The following GRID2 variants were observed in gnomAD, a reference collection of about 807,000 sequenced individuals.
GRID2 encodes glutamate ionotropic receptor delta type subunit 2.
GRID2 carries 33 observed loss-of-function variants against 114.8 expected under a neutral mutation model. The observed-to-expected ratio is 0.29, with a 90% CI of 0.22 to 0.38. The LOEUF is 0.38. GRID2 is among the 10% of genes least tolerant of loss of function. The pLI is 1.00. For missense variants in GRID2, 1,184 were observed against 1,257.7 expected, an observed-to-expected ratio of 0.94 and a Z score of 0.89; for synonymous variants, 505 against 449.9, an observed-to-expected ratio of 1.12 and a Z score of -1.55.
Position 93,378,439 on chromosome 4 carries a change from G to A in GRID2, c.1246-17168G>A, listed in dbSNP as rs551955580. On this transcript the variant is annotated intron_variant, in intron 8 of 15. Transcript: ENST00000282020. The stretch of plus-strand genomic sequence containing the variant: ...ATCTGTTTTTTCTAGTAAAGATTCC[G>A]TAATTGTTATTACAAGTTAATCAGC... 3.9e-4 allele frequency among the ~76,000 whole-genome samples: 59 copies of A among 152,052 alleles called. No individual in the cohort carries two copies. The South Asian group carries it at 4.6e-3, about 12-fold the overall frequency.
intron 1 of GRID2, among the ~76,000 whole-genome samples, chr4:92,546,771 T>C (rs1363189783): frequency 6.6e-6 from 1 of 152,204 alleles, no homozygotes; most frequent in East Asian, 1.9e-4. Flanking sequence ...TATTATGATA[T>C]ATACTGCCTA....
intron 14 of GRID2, among the ~76,000 whole-genome samples, chr4:93,681,612 C>T (rs1725546939): frequency 6.6e-6 from 1 of 152,156 alleles, no homozygotes; most frequent in Non-Finnish European, 1.5e-5. Context: ...ACAGAGCCCT[C>T]ATAAGTAATA....
chr4:92,753,133 ATTAG>A (rs1020243803), intron 2 of GRID2, among the ~76,000 whole-genome samples: 2 of 152,230 alleles, frequency 1.3e-5, no homozygotes, highest in East Asian at 1.9e-4. Context: ...TTAGACAATG[ATTAG>A]TTAGGTAACT....
intron 1 of GRID2, among the ~76,000 whole-genome samples, chr4:92,502,803 C>T (rs1348513345): frequency 1.3e-5 from 2 of 148,926 alleles, no homozygotes; most frequent in African/African-American, 4.9e-5. Flanking sequence ...CTGCAACCTC[C>T]GCCTCCTGGG....
At chr4:92,543,263 T>A (rs977669804) in intron 1 of GRID2, among the ~76,000 whole-genome samples, 2 of 152,228 alleles carry the variant, frequency 1.3e-5, no homozygotes, top group Admixed American at 1.3e-4. Context: ...ATTTTGCAGG[T>A]TAGGAAATTG....
chr4:93,086,657 G>A (rs958030507), intron 3 of GRID2, among the ~76,000 whole-genome samples: 3 of 152,064 alleles, frequency 2.0e-5, no homozygotes, highest in African/African-American at 4.8e-5. Flanking sequence ...CTTAATTCAC[G>A]TTATTAAGGG....
At chr4:93,388,637 C>T (rs148461810) in intron 8 of GRID2, among the ~76,000 whole-genome samples, 1,579 of 152,218 alleles carry the variant, frequency 0.01, 16 homozygotes, top group South Asian at 0.043. Context: ...AAAGTTTGGC[C>T]TTTATCTTGA....
chr4:93,809,881 G>A (rs1207563529), exon 2 of GRID2: 1 of 152,180 alleles, frequency 6.6e-6, no homozygotes, highest in African/African-American at 2.4e-5. Flanking sequence ...CACTTGCTGT[G>A]GGAAGGGAGC....
At position 93,021,097 on chromosome 4, in the gene GRID2, G is replaced by A. The variant is rs562664138; in HGVS notation, c.245-63898G>A. 7.9e-5 allele frequency among the ~76,000 whole-genome samples: 12 copies of A among 151,434 alleles called. No individual in the cohort carries two copies. The South Asian group carries it at 1.5e-3, about 18-fold the overall frequency. ...GTAATTAATAATCCTGTCATTAAGG[G>A]CAGGCCCATTAATAATTGATAATTG... On this transcript the variant is annotated intron_variant, in intron 2 of 15. Transcript: ENST00000282020.
intron 8 of GRID2, among the ~76,000 whole-genome samples, chr4:93,296,763 C>A (rs1287488521): frequency 6.6e-6 from 1 of 152,136 alleles, no homozygotes; most frequent in Non-Finnish European, 1.5e-5. Context: ...GAGATAGTTT[C>A]CTGAGTCTAA....
intron 14 of GRID2, among the ~76,000 whole-genome samples, chr4:93,702,975 CTG>C (rs1040438644): frequency 1.3e-5 from 2 of 151,862 alleles, no homozygotes; most frequent in African/African-American, 2.4e-5. Flanking sequence ...TCAAGGAAAA[CTG>C]TACTAGGAGG....
chr4:92,694,495 C>T (rs181816806), intron 2 of GRID2, among the ~76,000 whole-genome samples: 104 of 152,318 alleles, frequency 6.8e-4, no homozygotes, highest in Middle Eastern at 3.4e-3. Flanking sequence ...CCTCTCCAGT[C>T]TGTGTCCTCA....
At chr4:93,445,662 T>C (rs2149397781) in intron 10 of GRID2, among the ~76,000 whole-genome samples, 1 of 152,104 alleles carries the variant, frequency 6.6e-6, no homozygotes, top group South Asian at 2.1e-4. Context: ...TCCCACATTT[T>C]TAATACCTAA....
chr4:92,399,380 T>C (rs1200218656), intron 1 of GRID2, among the ~76,000 whole-genome samples: 2 of 152,282 alleles, frequency 1.3e-5, no homozygotes, highest in African/African-American at 2.4e-5. Flanking sequence ...GGAACCCATC[T>C]ATCCCACTAA....
At chr4:92,834,604 C>T (rs1241480179) in intron 2 of GRID2, among the ~76,000 whole-genome samples, 5 of 152,138 alleles carry the variant, frequency 3.3e-5, no homozygotes, top group Non-Finnish European at 7.4e-5. Flanking sequence ...TTTATACCCT[C>T]AAGCAGCTTA....
At chr4:92,761,780 G>A (rs1485435404) in intron 2 of GRID2, among the ~76,000 whole-genome samples, 1 of 152,134 alleles carries the variant, frequency 6.6e-6, no homozygotes, top group Non-Finnish European at 1.5e-5. Flanking sequence ...GGTGAGGAGA[G>A]ATCAAATACA....
At chr4:92,846,090 A>G (rs956154491) in intron 2 of GRID2, among the ~76,000 whole-genome samples, 1 of 152,124 alleles carries the variant, frequency 6.6e-6, no homozygotes, top group Non-Finnish European at 1.5e-5. Flanking sequence ...TACAGATTTC[A>G]TAGCCACCTC....
intron 8 of GRID2, chr4:93,302,555 C>T (rs72874997): frequency 1.1e-4 from 50 of 455,836 alleles, no homozygotes; most frequent in South Asian, 2.3e-4. Flanking sequence ...TACATATGTA[C>T]GCACAACTGA....
intron 2 of GRID2, among the ~76,000 whole-genome samples, chr4:92,749,633 T>C (rs1269817902): frequency 6.6e-6 from 1 of 152,154 alleles, no homozygotes; most frequent in East Asian, 1.9e-4. Context: ...GCTGGTATTT[T>C]AAGCCAATTG....
Sources: allele counts gnomAD v4.1 joint callset (sites outside exome capture counted in the v4.1 genomes callset), GRCh38; gene constraint gnomAD v4.1.1; transcripts MANE v1.5; gene names NCBI Gene and HGNC (gene_info 2026-07-23, HGNC 2026-07-21).